Variants in TDRD6 observed in about 807,000 individuals in gnomAD.
The protein encoded by TDRD6 is tudor domain-containing protein 6.
A neutral mutation model predicts 157.5 loss-of-function variants in TDRD6; 186 were observed. That is an observed-to-expected ratio of 1.18 (90% CI 1.05 to 1.33). TDRD6 has a LOEUF of 1.33. TDRD6 is among the 40% of genes most tolerant of loss of function. TDRD6 has a pLI of 0.00. For synonymous variants in TDRD6, 1,075 were observed against 945.2 expected (o/e 1.14, Z -2.52); for missense variants, 3,066 against 2,508.0 (o/e 1.22, Z -4.75).
Position 46,693,588 on chromosome 6 carries a change from A to G in TDRD6, c.5460A>G (p.Leu1820=). ...TGATTACAGGATTTAACACATTACT[A>G]CCACATGCTAATGAAACAAAGGAGA... ...KYLITGFNTL[L]PHANETKEIL... The change falls in exon 1 of 4, where the codon CTA becomes CTG. Residue 1820 remains leucine (L), a synonymous_variant. Coordinates refer to ENST00000316081, the MANE Select transcript of TDRD6 (RefSeq NM_001010870.3). 3 of 1,614,240 alleles carry G rather than the reference A, an allele frequency of 1.9e-6. No individual in the cohort carries two copies. The highest frequency in any genetic ancestry group is 2.5e-6 in the Non-Finnish European group (3 of 1,180,052).
At chr6:46,682,172 G>A in the TDRD6 span, among the ~76,000 whole-genome samples, 1,826 of 152,096 alleles carry the variant, frequency 0.012, 35 homozygotes, top group African/African-American at 0.041. Context: ...ATGACTAAGT[G>A]AGACTTATCC....
rs1022159667 is a variant in TDRD6 at position 46,688,441 on chromosome 6, A to T, written c.313A>T (p.Ile105Phe). The change falls in exon 1 of 4, where the codon ATC (isoleucine) becomes TTC (phenylalanine). Residue 105 changes from isoleucine to phenylalanine, a missense_variant. Coordinates refer to ENST00000316081, the MANE Select transcript of TDRD6 (RefSeq NM_001010870.3). The stretch of plus-strand genomic sequence containing the variant: ...CTTCCTGCTGGACGAGGGCCGCACC[A>T]TCACGGCCGGAGCAGGCTCGCTGGC... ...RVFLLDEGRT[I>F]TAGAGSLAPG... 1.3e-6 allele frequency: 2 copies of T among 1,542,726 alleles called. No homozygotes were observed. Among genetic ancestry groups the T allele is most frequent in the South Asian group, 2.4e-5 (2 of 84,198 alleles).
Position 46,688,449 on chromosome 6 carries a change from C to T in TDRD6, c.321C>T (p.Ala107=). ...FLLDEGRTIT[A]GAGSLAPGRR... is the part of the protein sequence containing the mutation. ...TGGACGAGGGCCGCACCATCACGGCCGGAGCAGGCTCGCTGGCGCCTGGGC... is the reference window on the plus strand; with the variant it reads ...TGGACGAGGGCCGCACCATCACGGCTGGAGCAGGCTCGCTGGCGCCTGGGC... The change falls in exon 1 of 4, where the codon GCC becomes GCT. Residue 107 remains alanine (A), a synonymous_variant. Transcript: ENST00000316081. The T allele has an allele frequency of 6.5e-7, 1 of 1,543,174 alleles. No individual in the cohort carries two copies. Among genetic ancestry groups the T allele is most frequent in the Non-Finnish European group, 8.7e-7 (1 of 1,146,428 alleles).
chr6:46,689,271 C>G lies in TDRD6; in HGVS notation c.1143C>G (p.Leu381=), dbSNP rs201181458. The change falls in exon 1 of 4, where the codon CTC becomes CTG. Residue 381 remains leucine (L), a synonymous_variant. Transcript: ENST00000316081. The part of the protein sequence containing the change: ...VVTYPCALYG[L]WDGGRGWSRS... ...CCTACCCTTGTGCTTTGTATGGACTCTGGGACGGTGGGAGAGGCTGGTCTC... is the reference window on the plus strand; with the variant it reads ...CCTACCCTTGTGCTTTGTATGGACTGTGGGACGGTGGGAGAGGCTGGTCTC... The G allele has an allele frequency of 1.4e-5, 23 of 1,614,154 alleles. No homozygotes were observed. The Admixed American group carries it at 3.7e-4, about 26-fold the overall frequency.
rs764741702 is a variant in TDRD6 at position 46,692,768 on chromosome 6, T to A, written c.4640T>A (p.Leu1547Ter). ...GCTGATACGGAGAAACTTCAGTGTT[T>A]AGAAGTAGAAGTACAGACTGCTGGA... ...QFADTEKLQCLEVEVQTAGEQ... is the reference protein window; with the variant it reads ...QFADTEKLQC Residue 1547 changes from leucine to a stop codon, truncating the protein, a stop_gained, in exon 1 of 4, where the codon TTA becomes TAA. Transcript: ENST00000316081. LOFTEE classifies it high-confidence loss of function. 3.1e-6 allele frequency: 5 copies of A among 1,613,560 alleles called. No homozygotes were observed. The highest frequency in any genetic ancestry group is 4.2e-6 in the Non-Finnish European group (5 of 1,179,996).
chr6:46,691,952 C>A lies in TDRD6; in HGVS notation c.3824C>A (p.Thr1275Asn). 1 of 1,612,472 alleles carries A rather than the reference C, an allele frequency of 6.2e-7. No individual in the cohort carries two copies. The highest frequency in any genetic ancestry group is 8.5e-7 in the Non-Finnish European group (1 of 1,179,562). ...TTGAAAACAGCAAGAGTAGAAGCTA[C>A]TCTTTCAGAGAGAAAAATAGGAGAT... The part of the protein sequence containing the change: ...TPLKTARVEA[T>N]LSERKIGDSC... Residue 1275 changes from threonine to asparagine, a missense_variant, in exon 1 of 4, where the codon ACT becomes AAT. Physicochemically the swap from Thr to Asn is moderately conservative, Grantham distance 65. Transcript: ENST00000316081.
chr6:46,688,613 A>G lies in TDRD6; in HGVS notation c.485A>G (p.Gln162Arg). 2 of 1,599,052 alleles carry G rather than the reference A, an allele frequency of 1.3e-6. No individual in the cohort carries two copies. The highest frequency in any genetic ancestry group is 2.2e-5 in the South Asian group (2 of 91,084). ...ADAVDFLSNL[Q>R]GKEVHGCVLD... ...GCCGTGGACTTCCTTAGCAACCTTC[A>G]GGGCAAGGAGGTGCACGGGTGCGTC... Residue 162 changes from glutamine (Q) to arginine (R), a missense_variant, in exon 1 of 4, where the codon CAG (glutamine) becomes CGG (arginine). Transcript: ENST00000316081.
chr6:46,689,564 G>A lies in TDRD6; in HGVS notation c.1436G>A (p.Arg479Lys). 1.2e-6 allele frequency: 2 copies of A among 1,614,124 alleles called. No individual in the cohort carries two copies. The highest frequency in any genetic ancestry group is 2.2e-5 in the East Asian group (1 of 44,884). The part of the protein sequence containing the change: ...VDEEISLPAL[R>K]SIRLKMNAFY... The stretch of plus-strand genomic sequence containing the variant: ...GAAGAGATTTCACTCCCAGCCTTAA[G>A]ATCTATCAGGTTAAAGATGAATGCC... The change falls in exon 1 of 4, where the codon AGA (arginine) becomes AAA (lysine). Residue 479 changes from arginine to lysine, a missense_variant. Transcript: ENST00000316081.
At chr6:46,696,180 C>G (rs1179198952) in intron 2 of TDRD6, among the ~76,000 whole-genome samples, 2 of 152,028 alleles carry the variant, frequency 1.3e-5, no homozygotes, top group Admixed American at 1.3e-4. Flanking sequence ...CTATTAGTCA[C>G]CTAGTTCCAC....
chr6:46,693,161 C>T lies in TDRD6; in HGVS notation c.5033C>T (p.Pro1678Leu). The T allele has an allele frequency of 6.2e-7, 1 of 1,609,546 alleles. No homozygotes were observed. Among genetic ancestry groups the T allele is most frequent in the Non-Finnish European group, 8.5e-7 (1 of 1,178,216 alleles). ...ATCAGAAGGGATGTTTGTGATATCC[C>T]TTTAGCAATTGTTGACTTGAAAAGC... ...LEIRRDVCDI[P>L]LAIVDLKSKG... The change falls in exon 1 of 4, where the codon CCT (proline) becomes CTT (leucine). Residue 1678 changes from proline to leucine, a missense_variant. Pro to Leu is a moderately conservative substitution (Grantham distance 98, BLOSUM62 -3). Coordinates refer to ENST00000316081, the MANE Select transcript of TDRD6 (RefSeq NM_001010870.3).
In TDRD6 at chr6:46,689,207, G is replaced by A. The variant is rs779487173; in HGVS notation, c.1079G>A (p.Arg360Gln). Reference sequence around the variant, plus strand: ...GAGTTAGTGAGTTGCAGCAGCCTTCGGTACTTGCTGCCTGAATATTTTCGA... The same window carrying A: ...GAGTTAGTGAGTTGCAGCAGCCTTCAGTACTTGCTGCCTGAATATTTTCGA... ...RKELVSCSSL[R>Q]YLLPEYFRMP... Residue 360 changes from arginine (R) to glutamine (Q), a missense_variant, in exon 1 of 4, where the codon CGG (arginine) becomes CAG (glutamine). Transcript: ENST00000316081. The A allele has an allele frequency of 1.9e-6, 3 of 1,614,142 alleles. No individual in the cohort carries two copies. The highest frequency in any genetic ancestry group is 1.7e-6 in the Non-Finnish European group (2 of 1,180,032).
chr6:46,691,454 A>G lies in TDRD6; in HGVS notation c.3326A>G (p.Glu1109Gly), dbSNP rs1764315237. 8.7e-6 allele frequency: 14 copies of G among 1,614,072 alleles called. No homozygotes were observed. The highest frequency in any genetic ancestry group is 1.2e-5 in the Non-Finnish European group (14 of 1,179,962). The change falls in exon 1 of 4, where the codon GAA (glutamate) becomes GGA (glycine). Residue 1109 changes from glutamate to glycine, a missense_variant. Glu to Gly is a moderately conservative substitution (Grantham distance 98). Coordinates refer to ENST00000316081, the MANE Select transcript of TDRD6 (RefSeq NM_001010870.3). ...SLSDIPDHIP[E>G]EVVVWFQETI... ...TCTGATATTCCTGATCATATACCAG[A>G]AGAAGTGGTGGTGTGGTTTCAGGAG...
rs1364760146 is a variant in TDRD6, at chr6:46,691,170, G to C, written c.3042G>C (p.Gln1014His). The change falls in exon 1 of 4, where the codon CAG (glutamine) becomes CAC (histidine). Residue 1014 changes from glutamine to histidine, a missense_variant. Transcript: ENST00000316081. Reference sequence around the variant, plus strand: ...CAAGAAATGCAAATATTTTAGAACAGTTGTCATGTAGTATTACACAATTAA... The same window carrying C: ...CAAGAAATGCAAATATTTTAGAACACTTGTCATGTAGTATTACACAATTAA... The part of the protein sequence containing the change: ...QLARNANILE[Q>H]LSCSITQLSK... The C allele has an allele frequency of 6.2e-7, 1 of 1,613,712 alleles. No individual in the cohort carries two copies. Among genetic ancestry groups the C allele is most frequent in the Non-Finnish European group, 8.5e-7 (1 of 1,179,840 alleles).
At position 46,702,880 on chromosome 6, in the gene TDRD6, GATA is replaced by G. The variant is rs1455440081; in HGVS notation, c.*998_*1000del. Reference sequence around the variant, plus strand: ...CTTTGATCTTCATCTGTAAAGTGGTGATAATAAAACCTTTCTTGCAGTGTTTTT... The same window carrying G: ...CTTTGATCTTCATCTGTAAAGTGGTGATAAAACCTTTCTTGCAGTGTTTTT... On this transcript the variant is annotated 3_prime_UTR_variant, in exon 4 of 4. Coordinates refer to ENST00000316081, the MANE Select transcript of TDRD6 (RefSeq NM_001010870.3). The G allele has an allele frequency of 2.0e-5, 3 of 152,170 alleles. No homozygotes were observed. Among genetic ancestry groups the G allele is most frequent in the African/African-American group, 7.2e-5 (3 of 41,546 alleles). The allele number at this position is 152,170 out of a possible 1,614,324, so 9.4% of individuals were successfully genotyped here. A position where few individuals can be genotyped will look rare whatever the true frequency, so the allele number is the denominator to read the frequency against.
Position 46,688,161 on chromosome 6 carries a change from G to A in TDRD6, c.33G>A (p.Gly11=), listed in dbSNP as rs773380018. The stretch of plus-strand genomic sequence containing the variant: ...CGACGCCCGGAATGCCGGCGCCGGG[G>A]GCCTCGCTGGCCCTGCGGGTGTCCT... MCSTPGMPAP[G]ASLALRVSFV... Residue 11 remains glycine, a synonymous_variant, in exon 1 of 4, where the codon GGG becomes GGA. Transcript: ENST00000316081. 1 of 1,545,454 alleles carries A rather than the reference G, an allele frequency of 6.5e-7. No homozygotes were observed.
chr6:46,693,834 G>T lies in TDRD6; in HGVS notation c.5706G>T (p.Glu1902Asp), dbSNP rs372297849. ...AGCTTCCTCTCAGCTGTGAAGCTGAGAAACAGCCAGAACTAGAACTACCTA... is the reference window on the plus strand; with the variant it reads ...AGCTTCCTCTCAGCTGTGAAGCTGATAAACAGCCAGAACTAGAACTACCTA... ...TLQLPLSCEAEKQPELELPTA... is the reference protein window; with the variant it reads ...TLQLPLSCEADKQPELELPTA... The change falls in exon 1 of 4, where the codon GAG becomes GAT. Residue 1902 changes from glutamate (E) to aspartate (D), a missense_variant. By Grantham distance (45) the Glu-to-Asp change is conservative (BLOSUM62 2). Coordinates refer to ENST00000316081, the MANE Select transcript of TDRD6 (RefSeq NM_001010870.3). 20 of 1,614,080 alleles carry T rather than the reference G, an allele frequency of 1.2e-5. No individual in the cohort carries two copies. In the African/African-American group the frequency reaches 2.7e-4, roughly 22 times the overall value.
the TDRD6 span, chr6:46,681,657 G>A: frequency 2.3e-6 from 1 of 440,734 alleles, no homozygotes; most frequent in Admixed American, 2.5e-5. Context: ...AATAAACTGT[G>A]TTATTCTGAT....
chr6:46,696,579 G>GTATATATA (rs1360765143), intron 2 of TDRD6, among the ~76,000 whole-genome samples: 653 of 48,322 alleles, frequency 0.014, 10 homozygotes, highest in Non-Finnish European at 0.018. Flanking sequence ...GTGTGTGTGT[G>GTATATATA]TGTATATATA....
chr6:46,681,981 G>A, the TDRD6 span, among the ~76,000 whole-genome samples: 1 of 151,894 alleles, frequency 6.6e-6, no homozygotes, highest in East Asian at 1.9e-4. Context: ...TAGTGGTAAT[G>A]GTTGTACAAC....
Sources: allele counts gnomAD v4.1 joint callset (sites outside exome capture counted in the v4.1 genomes callset), GRCh38; gene constraint gnomAD v4.1.1; transcripts MANE v1.5; gene names NCBI Gene and HGNC (gene_info 2026-07-23, HGNC 2026-07-21).